TAF12: variants seen among roughly 807,000 people sequenced by gnomAD.
TAF12 encodes TATA-box binding protein associated factor 12, also known as transcription initiation factor TFIID subunit 12.
TAF12 carries 3 observed loss-of-function variants against 20.8 expected under a neutral mutation model. The observed-to-expected ratio is 0.14, with a 90% CI of 0.07 to 0.37. TAF12 has a LOEUF of 0.37. Ranked by LOEUF, TAF12 falls within the 10% of genes least tolerant of loss-of-function variation. The probability of loss-of-function intolerance (pLI) is 1.00; values close to 1 mark genes in which losing one functional copy is unlikely to be tolerated. For missense variants in TAF12, 131 were observed against 197.9 expected (o/e 0.66, Z 2.03); for synonymous variants, 69 against 70.2 (o/e 0.98, Z 0.09).
intron 1 of TAF12, among the ~76,000 whole-genome samples, chr1:28,631,209 T>C (rs1667607502): frequency 6.7e-6 from 1 of 149,042 alleles, no homozygotes. Flanking sequence ...AATAAGAAAA[T>C]AACAACCCAA....
chr1:28,643,747 C>T (rs1668116656), upstream of TAF12, among the ~76,000 whole-genome samples: 1 of 152,128 alleles, frequency 6.6e-6, no homozygotes, highest in South Asian at 2.1e-4. Context: ...TTCAGTTTTT[C>T]GGCTGTCAGA....
In TAF12 at chr1:28,630,484, G is replaced by A. The variant is rs146569816; in HGVS notation, c.-84-8319C>T. On this transcript the variant is annotated intron_variant, in intron 1 of 5. Coordinates refer to ENST00000373824, the MANE Select transcript of TAF12 (RefSeq NM_005644.4). ...GGAGAATCGCTTGAACCCGGGAGGC[G>A]GAGGTTGCAGTGAGCTGAGATCACG... 0.012 allele frequency among the ~76,000 whole-genome samples: 1,897 copies of A among 152,020 alleles called. 94 individuals are homozygous for A. The East Asian group carries it at 0.15, about 12-fold the overall frequency.
intron 1 of TAF12, among the ~76,000 whole-genome samples, chr1:28,632,433 T>C (rs1393712706): frequency 1.3e-5 from 2 of 152,066 alleles, no homozygotes; most frequent in Non-Finnish European, 2.9e-5. Context: ...AGAGAATTGC[T>C]TCAACCCGGG....
At chr1:28,638,755 G>T (rs1667929464) in intron 1 of TAF12, among the ~76,000 whole-genome samples, 1 of 150,948 alleles carries the variant, frequency 6.6e-6, no homozygotes, top group Non-Finnish European at 1.5e-5. Flanking sequence ...CAAAGTGCTA[G>T]GATTACAGGC....
upstream of TAF12, among the ~76,000 whole-genome samples, chr1:28,644,345 C>G (rs371398513): frequency 1.2e-4 from 19 of 152,336 alleles, no homozygotes; most frequent in African/African-American, 4.3e-4. Context: ...TTCTCAGATT[C>G]AAGTCCTCAT....
At chr1:28,604,455 C>G (rs1666600442) in intron 5 of TAF12, among the ~76,000 whole-genome samples, 2 of 152,216 alleles carry the variant, frequency 1.3e-5, no homozygotes, top group Admixed American at 1.3e-4. Context: ...TAACAACTTA[C>G]TTTGTTCATT....
At chr1:28,635,334 A>G (rs1667786749) in intron 1 of TAF12, among the ~76,000 whole-genome samples, 1 of 110,084 alleles carries the variant, frequency 9.1e-6, no homozygotes, top group Admixed American at 1.1e-4. Context: ...CCCAGGCTAC[A>G]GTGCAGTGTC....
chr1:28,613,189 C>T, intron 4 of TAF12, 58 bp downstream of exon 4: 21 of 1,452,858 alleles, frequency 1.4e-5, no homozygotes, highest in Non-Finnish European at 2.0e-5. Context: ...TACACTTTCC[C>T]TGGCAGTCCT....
chr1:28,632,905 C>T (rs1399991678), intron 1 of TAF12, among the ~76,000 whole-genome samples: 3 of 151,718 alleles, frequency 2.0e-5, no homozygotes, highest in African/African-American at 7.3e-5. Context: ...GCTTTGTTGC[C>T]CAAGCTGGAG....
chr1:28,623,886 T>A (rs1667299577), intron 1 of TAF12: 47 of 873,222 alleles, frequency 5.4e-5, no homozygotes, highest in Non-Finnish European at 6.5e-5. Flanking sequence ...AGCTTGGGTG[T>A]CATCACGATC....
rs553805164 is a variant in TAF12, at chr1:28,625,981, C to T, written c.-84-3816G>A. On this transcript the variant is annotated intron_variant, in intron 1 of 5. Transcript: ENST00000373824. Reference sequence around the variant, plus strand: ...AGGCTTGGGCCACCACACTCAGCCCCGTCTCTTTTTTTTTTTTGAGACGGA... The same window carrying T: ...AGGCTTGGGCCACCACACTCAGCCCTGTCTCTTTTTTTTTTTTGAGACGGA... Among the ~76,000 whole-genome samples, 36 of 151,112 alleles carry T rather than the reference C, an allele frequency of 2.4e-4. No individual in the cohort carries two copies. The South Asian group carries it at 4.8e-3, about 20-fold the overall frequency.
intron 1 of TAF12, chr1:28,623,939 T>A: frequency 1.0e-6 from 1 of 985,520 alleles, no homozygotes; most frequent in Non-Finnish European, 1.2e-6. Context: ...GCCTCAAACT[T>A]ACTTACAGCT....
chr1:28,609,949 T>C (rs1666796199), intron 4 of TAF12, among the ~76,000 whole-genome samples: 1 of 152,036 alleles, frequency 6.6e-6, no homozygotes, highest in Non-Finnish European at 1.5e-5. Flanking sequence ...TTCTACTTTC[T>C]GTCTCTATGA....
intron 4 of TAF12, among the ~76,000 whole-genome samples, chr1:28,609,242 AATTTTGT>A (rs1045548382): frequency 4.0e-5 from 6 of 150,942 alleles, no homozygotes; most frequent in Admixed American, 1.3e-4. Flanking sequence ...ACGCCCGGCT[AATTTTGT>A]ATTTTTAGTA....
At chr1:28,634,359 T>C (rs988412978) in intron 1 of TAF12, among the ~76,000 whole-genome samples, 2 of 130,618 alleles carry the variant, frequency 1.5e-5, no homozygotes, top group Non-Finnish European at 3.1e-5. Context: ...GGGGTTGCAG[T>C]AGGCCGAGAT....
intron 1 of TAF12, among the ~76,000 whole-genome samples, chr1:28,638,145 C>T (rs972252324): frequency 2.0e-5 from 3 of 151,744 alleles, no homozygotes; most frequent in Non-Finnish European, 4.4e-5. Context: ...GGATTACAGG[C>T]GTCTGCCACC....
chr1:28,643,008 C>G lies in TAF12; in HGVS notation c.-101G>C. The G allele has an allele frequency of 1.0e-6, 1 of 986,044 alleles. No individual in the cohort carries two copies. Among genetic ancestry groups the G allele is most frequent in the Non-Finnish European group, 1.2e-6 (1 of 830,060 alleles). 61.1% of individuals were successfully genotyped at this position (986,044 alleles called of 1,614,324 possible). A position where few individuals can be genotyped will look rare whatever the true frequency, so the allele number is the denominator to read the frequency against. ...AAGACTCACAGGCAGCAGCGTCTAT[C>G]TCCCCATGATATGCAGAGACTGCCC... is the stretch of plus-strand genomic sequence containing the variant. On this transcript the variant is annotated 5_prime_UTR_variant, in exon 1 of 6. Coordinates refer to ENST00000373824, the MANE Select transcript of TAF12 (RefSeq NM_005644.4).
rs1003926659 is a variant in TAF12 at position 28,606,233 on chromosome 1, G to A, written c.362-773C>T. Among the ~76,000 whole-genome samples the A allele has an allele frequency of 2.0e-5, 3 of 151,972 alleles. No individual in the cohort carries two copies. In the South Asian group the frequency reaches 6.2e-4, roughly 32 times the overall value. ...AGGCTGGTCTTGAACTCCTGACCTC[G>A]TGATCCACCCACCTCGAACTCCCAA... On this transcript the variant is annotated intron_variant, in intron 4 of 5. Coordinates refer to ENST00000373824, the MANE Select transcript of TAF12 (RefSeq NM_005644.4).
rs1407198059 is a variant in TAF12 at position 28,618,179 on chromosome 1, G to GT, written c.169-150dup. The GT allele has an allele frequency of 7.5e-6, 5 of 668,438 alleles. No homozygotes were observed. The South Asian group carries it at 7.7e-5, about 10-fold the overall frequency. The allele number at this position is 668,438 out of a possible 1,614,324, so 41.4% of individuals were successfully genotyped here. ...GTCTGGCCTACCTGACTATGCTGCTGTAAGACTACACTCTCAAGACAGAAG... is the reference window on the plus strand; with the variant it reads ...GTCTGGCCTACCTGACTATGCTGCTGTTAAGACTACACTCTCAAGACAGAAG... On this transcript the variant is annotated intron_variant, in intron 2 of 5. Coordinates refer to ENST00000373824, the MANE Select transcript of TAF12 (RefSeq NM_005644.4).
Sources: allele counts gnomAD v4.1 joint callset (sites outside exome capture counted in the v4.1 genomes callset), GRCh38; gene constraint gnomAD v4.1.1; transcripts MANE v1.5; gene names NCBI Gene and HGNC (gene_info 2026-07-23, HGNC 2026-07-21).